Variants in DAB1 observed in about 807,000 individuals in gnomAD.
DAB1 encodes DAB adaptor protein 1.
A neutral mutation model predicts 64.6 loss-of-function variants in DAB1; 15 were observed. The observed-to-expected ratio is 0.23, with a 90% CI of 0.16 to 0.36. The LOEUF is 0.36. Ranked by LOEUF, DAB1 falls within the 10% of genes least tolerant of loss-of-function variation. DAB1 has a pLI of 1.00. For synonymous variants in DAB1, 235 were observed against 251.9 expected (o/e 0.93, Z 0.64); for missense variants, 596 against 706.7 (o/e 0.84, Z 1.78).
chr1:57,585,686 T>G (rs1049964547), intron 7 of DAB1, among the ~76,000 whole-genome samples: 2 of 152,196 alleles, frequency 1.3e-5, no homozygotes, highest in Non-Finnish European at 2.9e-5. Context: ...TATATATTTC[T>G]GAGACTCTAT....
At chr1:57,764,116 G>T (rs1283372872) in intron 6 of DAB1, among the ~76,000 whole-genome samples, 1 of 152,126 alleles carries the variant, frequency 6.6e-6, no homozygotes, top group Non-Finnish European at 1.5e-5. Flanking sequence ...AGCCAGCCAT[G>T]GGTGCCTGAG....
At chr1:58,226,507 G>C (rs1452146210) in intron 4 of DAB1, among the ~76,000 whole-genome samples, 2 of 152,040 alleles carry the variant, frequency 1.3e-5, no homozygotes, top group African/African-American at 4.8e-5. Context: ...GGTTCTTCTT[G>C]CATTCATTTG....
intron 7 of DAB1, among the ~76,000 whole-genome samples, chr1:57,610,820 C>T (rs977705825): frequency 5.9e-5 from 9 of 152,312 alleles, no homozygotes; most frequent in Admixed American, 5.9e-4. Context: ...GTCCGTTTCT[C>T]AACATCTGGG....
intron 6 of DAB1, among the ~76,000 whole-genome samples, chr1:57,817,275 T>G (rs1470911394): frequency 6.6e-6 from 1 of 152,202 alleles, no homozygotes; most frequent in Non-Finnish European, 1.5e-5. Flanking sequence ...AAGGCAAAGA[T>G]CCAAAGCATT....
At chr1:57,621,071 C>T (rs1221435627) in intron 7 of DAB1, among the ~76,000 whole-genome samples, 1 of 150,870 alleles carries the variant, frequency 6.6e-6, no homozygotes, top group African/African-American at 2.4e-5. Context: ...GCTTGTGTGC[C>T]TGTTTGTCTG....
chr1:58,438,407 C>T (rs1460314728), intron 3 of DAB1, among the ~76,000 whole-genome samples: 2 of 152,128 alleles, frequency 1.3e-5, no homozygotes, highest in African/African-American at 4.8e-5. Flanking sequence ...GAGAAGTTAG[C>T]CATATGAAAT....
At chr1:58,470,116 CTTTATTTA>C (rs72061301) in intron 3 of DAB1, among the ~76,000 whole-genome samples, 10,869 of 144,988 alleles carry the variant, frequency 0.075, 559 homozygotes, top group South Asian at 0.22. Flanking sequence ...GGGACTTTCT[CTTTATTTA>C]TTTATTTATT....
chr1:58,527,729 T>A (rs971791365), intron 1 of DAB1, among the ~76,000 whole-genome samples: 4 of 152,170 alleles, frequency 2.6e-5, no homozygotes, highest in Non-Finnish European at 5.9e-5. Flanking sequence ...AACGTAGGCA[T>A]ATAATATCCA....
chr1:58,247,072 T>C (rs1445641098), intron 4 of DAB1, among the ~76,000 whole-genome samples: 1 of 152,018 alleles, frequency 6.6e-6, no homozygotes, highest in Non-Finnish European at 1.5e-5. Context: ...CAAAGCCATG[T>C]TCTAGAAAGA....
intron 6 of DAB1, among the ~76,000 whole-genome samples, chr1:57,790,076 A>G (rs1273108382): frequency 6.6e-6 from 1 of 152,066 alleles, no homozygotes; most frequent in African/African-American, 2.4e-5. Flanking sequence ...GAGTGGAACT[A>G]TTTTCATGAG....
intron 1 of DAB1, among the ~76,000 whole-genome samples, chr1:57,855,105 A>G (rs1004130261): frequency 1.2e-4 from 19 of 152,114 alleles, no homozygotes; most frequent in Admixed American, 1.3e-4. Context: ...ATTTTGATTG[A>G]TTTCTCATCT....
chr1:58,398,783 A>G (rs1644544834), intron 3 of DAB1, among the ~76,000 whole-genome samples: 1 of 152,200 alleles, frequency 6.6e-6, no homozygotes, highest in African/African-American at 2.4e-5. Context: ...CTGGCTCCTC[A>G]GTGCAGTTCT....
chr1:57,225,449 A>G (rs197622), intron 2 of DAB1, among the ~76,000 whole-genome samples: 6,384 of 152,174 alleles, frequency 0.042, 249 homozygotes, highest in African/African-American at 0.097. Flanking sequence ...ACTGAAATGT[A>G]ATCACAAATT....
At chr1:57,360,528 T>C (rs1339796915) in intron 1 of DAB1, among the ~76,000 whole-genome samples, 1 of 152,178 alleles carries the variant, frequency 6.6e-6, no homozygotes, top group Non-Finnish European at 1.5e-5. Context: ...TTTGTGTGTA[T>C]AATTAATGTG....
At chr1:57,085,399 C>A (rs1652969228) in intron 4 of DAB1, among the ~76,000 whole-genome samples, 1 of 152,190 alleles carries the variant, frequency 6.6e-6, no homozygotes, top group Non-Finnish European at 1.5e-5. Context: ...AGGCTGTCTG[C>A]ATCAAATACC....
intron 2 of DAB1, among the ~76,000 whole-genome samples, chr1:57,270,932 G>C (rs553615203): frequency 6.6e-6 from 1 of 152,196 alleles, no homozygotes; most frequent in African/African-American, 2.4e-5. Flanking sequence ...AATGAGCAGG[G>C]ACTGGGGTGG....
intron 5 of DAB1, among the ~76,000 whole-genome samples, chr1:57,904,320 A>G (rs1644518355): frequency 6.6e-6 from 1 of 152,112 alleles, no homozygotes; most frequent in South Asian, 2.1e-4. Flanking sequence ...GTGTCTGGAA[A>G]ATTCCTATTT....
At chr1:57,790,460 A>G (rs549340850) in intron 6 of DAB1, among the ~76,000 whole-genome samples, 136 of 152,190 alleles carry the variant, frequency 8.9e-4, no homozygotes, top group African/African-American at 3.1e-3. Flanking sequence ...TTTATAAATT[A>G]CCCAGTCTCA....
At chr1:58,129,923 T>A (rs1166970304) in intron 5 of DAB1, among the ~76,000 whole-genome samples, 6 of 146,168 alleles carry the variant, frequency 4.1e-5, no homozygotes, top group African/African-American at 1.5e-4. Flanking sequence ...CTGAAAAAAA[T>A]GTATATTCTG....
Sources: gnomAD v4.1 joint callset for allele counts (sites outside exome capture counted in the v4.1 genomes callset) on GRCh38, gnomAD v4.1.1 for gene constraint, MANE v1.5 for transcripts, NCBI Gene and HGNC (gene_info 2026-07-23, HGNC 2026-07-21) for gene names.